Variants in KANSL1 observed in about 807,000 individuals in gnomAD.
The protein encoded by KANSL1 is MLL1/MLL complex subunit KANSL1.
A neutral mutation model predicts 103.6 loss-of-function variants in KANSL1; 22 were observed. That is an observed-to-expected ratio of 0.21 (90% CI 0.15 to 0.30). The LOEUF (loss-of-function observed/expected upper bound fraction) is 0.30, where lower values mean the gene tolerates loss of function less well. Ranked by LOEUF, KANSL1 falls within the 10% of genes least tolerant of loss-of-function variation. The probability of loss-of-function intolerance (pLI) is 1.00; values close to 1 mark genes in which losing one functional copy is unlikely to be tolerated. For synonymous variants in KANSL1, 600 were observed against 527.6 expected, an observed-to-expected ratio of 1.14 and a Z score of -1.88; for missense variants, 1,337 against 1,399.8, an observed-to-expected ratio of 0.96 and a Z score of 0.72.
chr17:46,213,275 GTTTTA>G (rs1567809110), intron 1 of KANSL1, among the ~76,000 whole-genome samples: 2 of 151,958 alleles, frequency 1.3e-5, no homozygotes, highest in Non-Finnish European at 2.9e-5. Context: ...GGGGACAAGC[GTTTTA>G]TTTGTTTTTT....
chr17:46,032,448 A>G (rs1474863411), intron 13 of KANSL1, 149 bp from the exon 14 acceptor site: 4 of 617,756 alleles, frequency 6.5e-6, no homozygotes, highest in Middle Eastern at 7.3e-4. Context: ...ATTTCTTCCC[A>G]CTATTCTCTG....
At chr17:46,100,480 C>T (rs1035995765) in intron 2 of KANSL1, among the ~76,000 whole-genome samples, 1 of 149,110 alleles carries the variant, frequency 6.7e-6, no homozygotes, top group African/African-American at 2.5e-5. Flanking sequence ...TATAAACACA[C>T]TTAAACCATA....
chr17:46,084,616 A>C (rs1425757488), intron 3 of KANSL1, among the ~76,000 whole-genome samples: 1 of 145,042 alleles, frequency 6.9e-6, no homozygotes, highest in Admixed American at 7.0e-5. Context: ...TGGGAGGTGT[A>C]GGTTGCAGTG....
intron 2 of KANSL1, among the ~76,000 whole-genome samples, chr17:46,102,947 C>A (rs1262169351): frequency 6.6e-6 from 1 of 152,164 alleles, no homozygotes; most frequent in Non-Finnish European, 1.5e-5. Context: ...TTTAAACAGA[C>A]CTCCAAAGCA....
intron 2 of KANSL1, among the ~76,000 whole-genome samples, chr17:46,123,932 A>C (rs1044591835): frequency 1.3e-5 from 2 of 152,242 alleles, no homozygotes; most frequent in Non-Finnish European, 2.9e-5. Flanking sequence ...ACACAATCCA[A>C]AACTTTTGTG....
At chr17:46,079,376 C>T (rs1254241322) in intron 4 of KANSL1, among the ~76,000 whole-genome samples, 1 of 152,190 alleles carries the variant, frequency 6.6e-6, no homozygotes, top group African/African-American at 2.4e-5. Flanking sequence ...AACAAGCCCA[C>T]CCAGGAAACA....
chr17:46,161,594 C>G (rs569467904), intron 2 of KANSL1, among the ~76,000 whole-genome samples: 1 of 152,146 alleles, frequency 6.6e-6, no homozygotes, highest in Admixed American at 6.5e-5. Flanking sequence ...AGAAACAAAC[C>G]GGAAATAGCA....
At chr17:46,194,065 G>GGGC (rs1468022791), upstream of KANSL1, among the ~76,000 whole-genome samples, 2 of 152,184 alleles carry the variant, frequency 1.3e-5, no homozygotes, top group Non-Finnish European at 2.9e-5. Context: ...GGGGTGGGGA[G>GGGC]GGTGCACGTA....
Position 46,031,664 on chromosome 17 carries a change from G to A in KANSL1, c.3130C>T (p.His1044Tyr), listed in dbSNP as rs1276163082. The change falls in exon 15 of 15, where the codon CAC becomes TAC. Residue 1044 changes from histidine to tyrosine, a missense_variant. This residue lies in a region of KANSL1 where 780 missense variants were observed against 923.4 expected (regional missense o/e 0.84). Transcript: ENST00000432791. The stretch of plus-strand genomic sequence containing the variant: ...TCCTCACACTCCGCCTGGGGACTGT[G>A]CGCCAGGGGGAAGGTCCGCCGCTCC... ...PWERRTFPLA[H>Y]SPQAECEDQL... is the part of the protein sequence containing the mutation. 2 of 1,610,866 alleles carry A rather than the reference G, an allele frequency of 1.2e-6. No homozygotes were observed. Among genetic ancestry groups the A allele is most frequent in the Non-Finnish European group, 8.5e-7 (1 of 1,177,332 alleles).
In KANSL1 at chr17:46,146,644, T is replaced by TTTTTTTG. The variant is rs1440803647; in HGVS notation, c.1289+24210_1289+24211insCAAAAAA. 3.6e-4 allele frequency among the ~76,000 whole-genome samples: 41 copies of TTTTTTTG among 115,410 alleles called. 14 individuals are homozygous for TTTTTTTG. Among genetic ancestry groups the TTTTTTTG allele is most frequent in the Non-Finnish European group, 7.5e-4 (33 of 43,790 alleles). 75.7% of individuals were successfully genotyped at this position (115,410 alleles called of 152,430 possible). On this transcript the variant is annotated intron_variant, in intron 2 of 14. Coordinates refer to ENST00000432791, the MANE Select transcript of KANSL1 (RefSeq NM_015443.4). ...GTCAGGAGATCGAGACCATCCCAGC[T>TTTTTTTG]AAAACGGTGAAACCCCGTCTCTACT... is the stretch of plus-strand genomic sequence containing the variant.
At chr17:46,134,556 G>A (rs1285531017) in intron 2 of KANSL1, among the ~76,000 whole-genome samples, 1 of 151,364 alleles carries the variant, frequency 6.6e-6, no homozygotes, top group East Asian at 2.0e-4. Flanking sequence ...AAAAGACGAG[G>A]AGGCCAGGTG....
chr17:46,101,530 T>G (rs527727622), intron 2 of KANSL1, among the ~76,000 whole-genome samples: 1 of 152,030 alleles, frequency 6.6e-6, no homozygotes, highest in South Asian at 2.1e-4. Context: ...GGCAGGCAGA[T>G]CACAAGATAA....
At chr17:46,123,506 G>T (rs986458784) in intron 2 of KANSL1, among the ~76,000 whole-genome samples, 7 of 152,212 alleles carry the variant, frequency 4.6e-5, no homozygotes, top group Non-Finnish European at 1.0e-4. Context: ...AAATGCAAAA[G>T]TTCTTGGAGA....
intron 1 of KANSL1, among the ~76,000 whole-genome samples, chr17:46,201,143 C>G (rs147862782): frequency 0.02 from 2,985 of 151,696 alleles, 2 homozygotes; most frequent in Non-Finnish European, 0.034. Flanking sequence ...AAATCCTGAC[C>G]TCAGGTGATC....
chr17:46,078,839 G>A (rs1050154157), intron 4 of KANSL1, among the ~76,000 whole-genome samples: 4 of 152,144 alleles, frequency 2.6e-5, no homozygotes, highest in African/African-American at 7.2e-5. Context: ...ACTCTCAACC[G>A]CTTTTTACAT....
chr17:46,152,333 CG>C (rs1567736322), intron 2 of KANSL1, among the ~76,000 whole-genome samples: 2 of 152,042 alleles, frequency 1.3e-5, no homozygotes, highest in Non-Finnish European at 2.9e-5. Flanking sequence ...CTTAAAACAA[CG>C]TATTTCAGAC....
At chr17:46,060,940 G>A (rs2078137285) in intron 6 of KANSL1, among the ~76,000 whole-genome samples, 1 of 152,076 alleles carries the variant, frequency 6.6e-6, no homozygotes, top group African/African-American at 2.4e-5. Flanking sequence ...ATGACAACAA[G>A]GACTACAAAA....
chr17:46,178,586 T>C (rs960715073), intron 1 of KANSL1, among the ~76,000 whole-genome samples: 3 of 152,228 alleles, frequency 2.0e-5, no homozygotes, highest in Non-Finnish European at 4.4e-5. Context: ...AAGAAAAGGC[T>C]ACCTATTCAA....
In KANSL1 at chr17:46,208,934, G is replaced by A. The variant is rs574532036; in HGVS notation, c.-90+14737C>T. Among the ~76,000 whole-genome samples the A allele has an allele frequency of 2.2e-3, 341 of 152,274 alleles. 1 individual carries two copies. The highest frequency in any genetic ancestry group is 4.5e-3 in the Admixed American group (69 of 15,292). ...GCCTGTAATCCCAGCACTTTGGGAG[G>A]CCGAGTGGGGCGGATCATTTGAGGT... On this transcript the variant is annotated intron_variant, in intron 1 of 14. Transcript: ENST00000572904.
Sources: gnomAD v4.1 joint callset for allele counts (sites outside exome capture counted in the v4.1 genomes callset) on GRCh38, gnomAD v4.1.1 for gene constraint, gnomAD v4.1.1 regional missense constraint, MANE v1.5 for transcripts, NCBI Gene and HGNC (gene_info 2026-07-23, HGNC 2026-07-21) for gene names.